BEAN1: variants seen among roughly 807,000 people sequenced by gnomAD.
The protein encoded by BEAN1 is protein BEAN1.
In BEAN1, 17 loss-of-function variants were observed where a neutral mutation model predicts 17.7. The ratio of observed to expected loss-of-function variants is 0.96; its 90% CI spans 0.66 to 1.44. The LOEUF is 1.44. Ranked by LOEUF, BEAN1 falls within the 40% of genes most tolerant of loss-of-function variation. BEAN1 has a pLI of 0.00. For synonymous variants in BEAN1, 142 were observed against 151.8 expected (o/e 0.94, Z 0.47); for missense variants, 359 against 374.1 (o/e 0.96, Z 0.33).
intron 2 of BEAN1, among the ~76,000 whole-genome samples, chr16:66,458,705 C>A (rs921609309): frequency 1.3e-5 from 2 of 152,206 alleles, no homozygotes; most frequent in African/African-American, 4.8e-5. Flanking sequence ...GAACACATAA[C>A]TTTAGCTCAC....
At chr16:66,430,308 C>A (rs1005937722) in intron 1 of BEAN1, among the ~76,000 whole-genome samples, 1 of 152,180 alleles carries the variant, frequency 6.6e-6, no homozygotes, top group Non-Finnish European at 1.5e-5. Context: ...TAAACGTATG[C>A]ATTTTCTCTT....
chr16:66,492,539 G>A (rs368303475), intron 4 of BEAN1, among the ~76,000 whole-genome samples: 61 of 151,156 alleles, frequency 4.0e-4, no homozygotes, highest in Admixed American at 1.7e-3. Context: ...TCCTGGGTTC[G>A]AGCAATTCTC....
chr16:66,490,396 C>CAATAAAATAAAAAAAATAAAATAA (rs1964149677), intron 4 of BEAN1, among the ~76,000 whole-genome samples: 2 of 67,602 alleles, frequency 3.0e-5, no homozygotes, highest in Non-Finnish European at 6.1e-5. Flanking sequence ...GACTCTGTTT[C>CAATAAAATAAAAAAAATAAAATAA]AATAAAATAA....
chr16:66,477,477 T>C (rs1963794525), intron 3 of BEAN1, 83 bp from the exon 4 acceptor site: 1 of 1,343,496 alleles, frequency 7.4e-7, no homozygotes, highest in Non-Finnish European at 9.7e-7. Context: ...AGAGCCTCCA[T>C]GGCCCCAGGT....
chr16:66,483,676 G>A (rs535714088), downstream of BEAN1: 1 of 152,262 alleles, frequency 6.6e-6, no homozygotes, highest in South Asian at 2.1e-4. Flanking sequence ...AGTCCTAGAT[G>A]CCCCCAAGTG....
intron 3 of BEAN1, among the ~76,000 whole-genome samples, chr16:66,475,056 G>A (rs142814780): frequency 1.3e-5 from 2 of 152,326 alleles, no homozygotes; most frequent in East Asian, 3.9e-4. Flanking sequence ...TTGGAGTGAT[G>A]TTAAATAATG....
downstream of BEAN1, among the ~76,000 whole-genome samples, chr16:66,494,371 C>T (rs1412554888): frequency 6.6e-6 from 1 of 152,140 alleles, no homozygotes; most frequent in East Asian, 1.9e-4. Flanking sequence ...CCTCTATGAG[C>T]CTCGTTTTCC....
At chr16:66,435,951 C>G (rs1961997607) in intron 1 of BEAN1, among the ~76,000 whole-genome samples, 1 of 152,112 alleles carries the variant, frequency 6.6e-6, no homozygotes, top group African/African-American at 2.4e-5. Flanking sequence ...CCCTCCCAAG[C>G]AGGGATGGCA....
At chr16:66,454,729 C>CTTTTTTTT (rs538469751) in intron 2 of BEAN1, among the ~76,000 whole-genome samples, 1,100 of 82,394 alleles carry the variant, frequency 0.013, no homozygotes, top group Non-Finnish European at 0.019. Context: ...TTCTTTCTTT[C>CTTTTTTTT]TTTTTTTTTT....
rs1567515557 is a variant in BEAN1, at chr16:66,493,327, C to CCCCA, written c.513_514insCCCA (p.Glu172ProfsTer23). 1.4e-5 allele frequency: 10 copies of CCCCA among 691,944 alleles called. 1 individual carries two copies. In the Admixed American group the frequency reaches 2.0e-4, roughly 14 times the overall value. The allele number at this position is 691,944 out of a possible 1,614,324, so 42.9% of individuals were successfully genotyped here. ...AAGGTCCCTCAGAAGGGGTGGGGTC[C>CCCCA]GAGACGGCCCTGGCAGAGGGCACTG... On this transcript the variant is annotated frameshift_variant, in exon 5 of 5. Transcript: ENST00000561796. LOFTEE classifies it low-confidence loss of function (END_TRUNC).
intron 4 of BEAN1, among the ~76,000 whole-genome samples, chr16:66,489,278 G>T (rs1251776123): frequency 3.9e-5 from 6 of 152,142 alleles, no homozygotes; most frequent in African/African-American, 1.4e-4. Context: ...ATACACTTGG[G>T]TTCCAATCCC....
At chr16:66,487,986 G>T (rs534699171) in intron 4 of BEAN1, among the ~76,000 whole-genome samples, 2 of 152,332 alleles carry the variant, frequency 1.3e-5, no homozygotes, top group East Asian at 3.9e-4. Flanking sequence ...GGAGGCTGCA[G>T]CGAGCCAATG....
At chr16:66,450,116 A>G (rs964436018) in intron 2 of BEAN1, among the ~76,000 whole-genome samples, 2 of 152,238 alleles carry the variant, frequency 1.3e-5, no homozygotes, top group Non-Finnish European at 2.9e-5. Flanking sequence ...TATCATTTCA[A>G]TATCAATTTT....
At chr16:66,462,879 G>T (rs951197311) in intron 2 of BEAN1, among the ~76,000 whole-genome samples, 2 of 151,772 alleles carry the variant, frequency 1.3e-5, no homozygotes, top group Non-Finnish European at 2.9e-5. Context: ...GGAATCCAAA[G>T]ACATCACAAT....
chr16:66,462,655 G>C (rs1963127785), intron 2 of BEAN1, among the ~76,000 whole-genome samples: 1 of 152,152 alleles, frequency 6.6e-6, no homozygotes, highest in Admixed American at 6.5e-5. Flanking sequence ...TACAAAATTA[G>C]CTGGGCATGG....
intron 4 of BEAN1, among the ~76,000 whole-genome samples, chr16:66,491,583 G>A (rs183438731): frequency 1.3e-5 from 2 of 152,096 alleles, no homozygotes; most frequent in Non-Finnish European, 2.9e-5. Flanking sequence ...CGAGACCAGC[G>A]GTCCCCAACC....
In BEAN1 at chr16:66,481,305, T is replaced by C; in HGVS notation, c.*380T>C. ...TTTCTCTTCCCTCTCCTGGGCCCGT[T>C]TGCCCCTACCCTCGCCCAGCAAGCT... On this transcript the variant is annotated 3_prime_UTR_variant, in exon 5 of 5. Transcript: ENST00000536005. The surrounding 1 kb of genome is among the most constrained non-coding windows in gnomAD (Gnocchi z 4.1). 1 of 399,350 alleles carries C rather than the reference T, an allele frequency of 2.5e-6. No homozygotes were observed. Among genetic ancestry groups the C allele is most frequent in the Non-Finnish European group, 4.4e-6 (1 of 226,632 alleles). 24.7% of individuals were successfully genotyped at this position (399,350 alleles called of 1,614,324 possible). A position where few individuals can be genotyped will look rare whatever the true frequency, so the allele number is the denominator to read the frequency against.
At chr16:66,456,476 TA>T (rs899645490) in intron 2 of BEAN1, among the ~76,000 whole-genome samples, 3 of 152,302 alleles carry the variant, frequency 2.0e-5, no homozygotes, top group African/African-American at 7.2e-5. Flanking sequence ...CCACTGGCAT[TA>T]TATTATATAT....
At chr16:66,456,086 C>T (rs1962855841) in intron 2 of BEAN1, among the ~76,000 whole-genome samples, 1 of 152,200 alleles carries the variant, frequency 6.6e-6, no homozygotes, top group Non-Finnish European at 1.5e-5. Context: ...GAGGCTCAGT[C>T]ACTGTGGCCT....
Sources: gnomAD v4.1 joint callset for allele counts (sites outside exome capture counted in the v4.1 genomes callset) on GRCh38, gnomAD v4.1.1 for gene constraint, Gnocchi (gnomAD v3.1) non-coding constraint, MANE v1.5 for transcripts, NCBI Gene and HGNC (gene_info 2026-07-23, HGNC 2026-07-21) for gene names.